ADGRL1: variants seen among roughly 807,000 people sequenced by gnomAD.
The protein encoded by ADGRL1 is CIRL-1.
In ADGRL1, 31 loss-of-function variants were observed where a neutral mutation model predicts 148.9. That is an observed-to-expected ratio of 0.21 (90% CI 0.16 to 0.28). ADGRL1 has a LOEUF of 0.28. Ranked by LOEUF, ADGRL1 falls within the 10% of genes least tolerant of loss-of-function variation. ADGRL1 has a pLI of 1.00. For missense variants in ADGRL1, 1,521 were observed against 2,058.8 expected (o/e 0.74, Z 5.05); for synonymous variants, 937 against 900.3 (o/e 1.04, Z -0.73).
At chr19:14,196,821 T>C (rs1972291558) in intron 1 of ADGRL1, among the ~76,000 whole-genome samples, 1 of 152,094 alleles carries the variant, frequency 6.6e-6, no homozygotes, top group Admixed American at 6.6e-5. Flanking sequence ...CTGACTTGAT[T>C]TCTCCATACC....
At chr19:14,172,983 A>C (rs1239407836) in intron 3 of ADGRL1, among the ~76,000 whole-genome samples, 5 of 152,112 alleles carry the variant, frequency 3.3e-5, no homozygotes, top group Non-Finnish European at 7.4e-5. Context: ...GTTTTGAGAC[A>C]GGGTCCCGCT....
intron 4 of ADGRL1, among the ~76,000 whole-genome samples, chr19:14,167,285 G>T (rs1970065356): frequency 6.6e-6 from 1 of 151,998 alleles, no homozygotes. Flanking sequence ...GGGACGAGGG[G>T]GACACACACA....
chr19:14,171,333 G>C (rs145406975), intron 3 of ADGRL1: 9 of 152,634 alleles, frequency 5.9e-5, no homozygotes, highest in African/African-American at 2.2e-4. Flanking sequence ...CAGAGGACTT[G>C]TGTGGGCACT....
rs71170599 is a variant in ADGRL1 at position 14,163,465 on chromosome 19, G to GGAGAGA, written c.395-65_395-60dup. 3,417 of 701,272 alleles carry GGAGAGA rather than the reference G, an allele frequency of 4.9e-3. 9 individuals carry two copies. Among genetic ancestry groups the GGAGAGA allele is most frequent in the African/African-American group, 9.0e-3 (386 of 42,822 alleles). 43.4% of individuals were successfully genotyped at this position (701,272 alleles called of 1,614,324 possible). Reference sequence around the variant, plus strand: ...AGAGAAGGGGCAGAGGCGAGAGGGAGGAGAGAGAGAGAGAGAGAGAGAGAG... The same window carrying GGAGAGA: ...AGAGAAGGGGCAGAGGCGAGAGGGAGGAGAGAGAGAGAGAGAGAGAGAGAGAGAGAG... On this transcript the variant is annotated intron_variant, in intron 4 of 22. Transcript: ENST00000361434.
chr19:14,149,480 CGA>C lies in ADGRL1; in HGVS notation c.*1391_*1392del, dbSNP rs953931035. 6.5e-6 allele frequency: 1 copy of C among 153,130 alleles called. No individual in the cohort carries two copies. Among genetic ancestry groups the C allele is most frequent in the Admixed American group, 6.5e-5 (1 of 15,274 alleles). 9.5% of individuals were successfully genotyped at this position (153,130 alleles called of 1,614,324 possible). A position where few individuals can be genotyped will look rare whatever the true frequency, so the allele number is the denominator to read the frequency against. ...GGGAAATCAGCCCCATCTTCCCCGGCGAGAGTCCCCAGAGCAATATACAAGAA... is the reference window on the plus strand; with the variant it reads ...GGGAAATCAGCCCCATCTTCCCCGGCGAGTCCCCAGAGCAATATACAAGAA... On this transcript the variant is annotated 3_prime_UTR_variant, in exon 23 of 23. Coordinates refer to ENST00000361434, the MANE Select transcript of ADGRL1 (RefSeq NM_014921.5).
intron 1 of ADGRL1, among the ~76,000 whole-genome samples, chr19:14,188,651 T>G (rs1021713469): frequency 6.6e-6 from 1 of 152,214 alleles, no homozygotes; most frequent in African/African-American, 2.4e-5. Flanking sequence ...CACCCCAGTG[T>G]TGGTCCACAC....
At chr19:14,205,463 C>A (rs1972929422) in intron 1 of ADGRL1, among the ~76,000 whole-genome samples, 1 of 152,044 alleles carries the variant, frequency 6.6e-6, no homozygotes, top group Non-Finnish European at 1.5e-5. Context: ...AAAAACAACC[C>A]CCTCGCCCAG....
intron 4 of ADGRL1, chr19:14,170,363 A>G: frequency 4.6e-6 from 1 of 218,934 alleles, no homozygotes; most frequent in Non-Finnish European, 9.2e-6. Context: ...TGTGCCAGGC[A>G]GAGCACGGGA....
intron 1 of ADGRL1, among the ~76,000 whole-genome samples, chr19:14,201,085 G>A (rs905550040): frequency 2.0e-5 from 3 of 152,092 alleles, no homozygotes; most frequent in African/African-American, 7.2e-5. Context: ...GCATCCTATA[G>A]TACAGAGGAC....
In ADGRL1 at chr19:14,161,268, G is replaced by A. The variant is rs1242490811; in HGVS notation, c.1510+44C>T. 2.0e-6 allele frequency: 3 copies of A among 1,499,778 alleles called. No homozygotes were observed. In the South Asian group the frequency reaches 3.9e-5, roughly 20 times the overall value. 92.9% of individuals were successfully genotyped at this position (1,499,778 alleles called of 1,614,324 possible). On this transcript the variant is annotated intron_variant, in intron 6 of 22. Transcript: ENST00000361434. The surrounding 1 kb of genome is among the most constrained non-coding windows in gnomAD (Gnocchi z 4.4). The stretch of plus-strand genomic sequence containing the variant: ...CATGCATCTGTGCTAAGCTGCTGGG[G>A]GCATGGCCCCCATCCCTCCCCTGGC...
chr19:14,187,946 C>G lies in ADGRL1; in HGVS notation c.-95-4249G>C, dbSNP rs537916259. 5.9e-5 allele frequency among the ~76,000 whole-genome samples: 9 copies of G among 152,082 alleles called. No individual in the cohort carries two copies. In the East Asian group the frequency reaches 1.6e-3, roughly 26 times the overall value. On this transcript the variant is annotated intron_variant, in intron 1 of 22. Transcript: ENST00000361434. The stretch of plus-strand genomic sequence containing the variant: ...AACTGGTTAGAGGGAGTAAAAATGG[C>G]TGGCTTGGTACGGTGACTCGTGCCT...
chr19:14,154,171 C>G (rs922642250), intron 18 of ADGRL1, among the ~76,000 whole-genome samples: 3 of 152,106 alleles, frequency 2.0e-5, no homozygotes, highest in Non-Finnish European at 2.9e-5. Flanking sequence ...TGTGAAAACA[C>G]TGCCTTTGAC....
intron 4 of ADGRL1, among the ~76,000 whole-genome samples, chr19:14,164,967 C>T (rs1034680718): frequency 6.6e-6 from 1 of 152,192 alleles, no homozygotes; most frequent in African/African-American, 2.4e-5. Flanking sequence ...AGTGAATTCT[C>T]TGCTCTTGCT....
chr19:14,164,909 C>A (rs1260643236), intron 4 of ADGRL1, among the ~76,000 whole-genome samples: 1 of 152,138 alleles, frequency 6.6e-6, no homozygotes. Flanking sequence ...CTGGCAGAAC[C>A]CACACATAGG....
intron 1 of ADGRL1, among the ~76,000 whole-genome samples, chr19:14,201,678 C>T (rs1036312185): frequency 1.3e-5 from 2 of 152,096 alleles, no homozygotes; most frequent in African/African-American, 4.8e-5. Context: ...GGCTTCCCAA[C>T]ATTCTGGGTT....
In ADGRL1 at chr19:14,159,617, C is replaced by T; in HGVS notation, c.1840-33G>A. The T allele has an allele frequency of 6.3e-7, 1 of 1,594,222 alleles. No homozygotes were observed. Among genetic ancestry groups the T allele is most frequent in the South Asian group, 1.1e-5 (1 of 89,836 alleles). ...GGCAGAGGGCATGGTGCTGTGAGCCCCCCAACACCCTCTAATTCCTGGGGG... is the reference window on the plus strand; with the variant it reads ...GGCAGAGGGCATGGTGCTGTGAGCCTCCCAACACCCTCTAATTCCTGGGGG... On this transcript the variant is annotated intron_variant, in intron 9 of 22. Coordinates refer to ENST00000361434, the MANE Select transcript of ADGRL1 (RefSeq NM_014921.5). This position sits in a 1 kb window ranked among gnomAD's most constrained non-coding sequence, Gnocchi z 6.0.
At chr19:14,195,283 C>T (rs1174987831) in intron 1 of ADGRL1, among the ~76,000 whole-genome samples, 8 of 152,114 alleles carry the variant, frequency 5.3e-5, no homozygotes, top group East Asian at 3.9e-4. Context: ...AGTCAAGGGT[C>T]GGTGCGGCAG....
Position 14,150,679 on chromosome 19 carries a change from CCTGT to C in ADGRL1, c.*190_*193del, listed in dbSNP as rs1037506096. The C allele has an allele frequency of 1.9e-5, 12 of 624,764 alleles. No individual in the cohort carries two copies. Among genetic ancestry groups the C allele is most frequent in the African/African-American group, 1.5e-4 (8 of 53,016 alleles). 38.7% of individuals were successfully genotyped at this position (624,764 alleles called of 1,614,324 possible). ...CTGGTGCGTGTGGCTGGTGGGAAAC[CCTGT>C]CTGTGAACCCTGGCACCTCAGGCCC... is the stretch of plus-strand genomic sequence containing the variant. On this transcript the variant is annotated 3_prime_UTR_variant, in exon 23 of 23. Coordinates refer to ENST00000361434, the MANE Select transcript of ADGRL1 (RefSeq NM_014921.5).
At chr19:14,188,845 C>A (rs1971749499) in intron 1 of ADGRL1, among the ~76,000 whole-genome samples, 1 of 152,156 alleles carries the variant, frequency 6.6e-6, no homozygotes, top group African/African-American at 2.4e-5. Context: ...ACAATCTTGG[C>A]TCACTGCAAC....
Sources: allele counts gnomAD v4.1 joint callset (sites outside exome capture counted in the v4.1 genomes callset), GRCh38; gene constraint gnomAD v4.1.1; non-coding constraint Gnocchi (gnomAD v3.1); transcripts MANE v1.5; gene names NCBI Gene and HGNC (gene_info 2026-07-23, HGNC 2026-07-21).